The following NKAIN3 variants were observed in gnomAD, a reference collection of about 807,000 sequenced individuals.
The protein encoded by NKAIN3 is sodium/potassium transporting ATPase interacting 3.
A neutral mutation model predicts 30.2 loss-of-function variants in NKAIN3; 25 were observed. The observed-to-expected ratio is 0.83, with a 90% CI of 0.60 to 1.16. The LOEUF (loss-of-function observed/expected upper bound fraction) is 1.16, where lower values mean the gene tolerates loss of function less well. NKAIN3 is among the 50% of genes most tolerant of loss of function. The pLI is 0.00. For missense variants in NKAIN3, 225 were observed against 254.1 expected (o/e 0.89, Z 0.78); for synonymous variants, 91 against 89.6 (o/e 1.02, Z -0.09).
chr8:62,641,010 TA>T (rs983097087), intron 3 of NKAIN3, among the ~76,000 whole-genome samples: 29 of 148,232 alleles, frequency 2.0e-4, no homozygotes, highest in African/African-American at 7.4e-4. Context: ...CTCATTTATT[TA>T]TTTTTTTTTT....
intron 3 of NKAIN3, among the ~76,000 whole-genome samples, chr8:62,719,887 G>A (rs1339801390): frequency 2.6e-5 from 4 of 150,964 alleles, no homozygotes; most frequent in Non-Finnish European, 5.9e-5. Flanking sequence ...CTCCCGAGTA[G>A]CTGGGACTAC....
chr8:62,888,030 G>T (rs568140511), intron 4 of NKAIN3, among the ~76,000 whole-genome samples: 1 of 152,134 alleles, frequency 6.6e-6, no homozygotes, highest in Non-Finnish European at 1.5e-5. Flanking sequence ...TAAGGTGTAG[G>T]GGGAAGTGAT....
intron 5 of NKAIN3, chr8:62,990,434 A>G (rs1037946325): frequency 2.0e-6 from 2 of 1,005,408 alleles, no homozygotes; most frequent in African/African-American, 3.4e-5. Context: ...TTGAGAATTT[A>G]CATTGATTCC....
intron 3 of NKAIN3, among the ~76,000 whole-genome samples, chr8:62,723,339 G>A (rs1296131105): frequency 6.6e-6 from 1 of 151,994 alleles, no homozygotes; most frequent in African/African-American, 2.4e-5. Flanking sequence ...GTGTAAATTA[G>A]GTAAAATGTG....
chr8:62,593,105 A>G (rs1475341908), intron 3 of NKAIN3, among the ~76,000 whole-genome samples: 4 of 152,024 alleles, frequency 2.6e-5, no homozygotes, highest in Non-Finnish European at 4.4e-5. Flanking sequence ...TGTCTGTCAT[A>G]TAGAGGATAT....
At chr8:62,354,260 ATC>A (rs1225502835) in intron 1 of NKAIN3, among the ~76,000 whole-genome samples, 1 of 151,804 alleles carries the variant, frequency 6.6e-6, no homozygotes, top group Non-Finnish European at 1.5e-5. Context: ...GGCACTAAAG[ATC>A]TTTTAGCCTA....
At chr8:62,429,981 T>G (rs1040406713) in intron 1 of NKAIN3, among the ~76,000 whole-genome samples, 2 of 151,836 alleles carry the variant, frequency 1.3e-5, no homozygotes, top group Non-Finnish European at 2.9e-5. Flanking sequence ...AGTATACCCA[T>G]TGAACATTAA....
chr8:62,642,248 C>T (rs1812332314), intron 3 of NKAIN3, among the ~76,000 whole-genome samples: 1 of 152,026 alleles, frequency 6.6e-6, no homozygotes, highest in South Asian at 2.1e-4. Flanking sequence ...TACATGTCAC[C>T]ATGTAGCATG....
At chr8:62,646,803 T>C (rs890242656) in intron 3 of NKAIN3, among the ~76,000 whole-genome samples, 3 of 151,964 alleles carry the variant, frequency 2.0e-5, no homozygotes, top group African/African-American at 2.4e-5. Flanking sequence ...AAATAAAAAA[T>C]GACCAAAAAT....
intron 4 of NKAIN3, among the ~76,000 whole-genome samples, chr8:62,850,216 C>T (rs1336198957): frequency 1.3e-5 from 2 of 152,100 alleles, no homozygotes; most frequent in Non-Finnish European, 2.9e-5. Context: ...TGATGATGAG[C>T]ATTTTTTCAT....
intron 1 of NKAIN3, among the ~76,000 whole-genome samples, chr8:62,539,775 A>G (rs1563447720): frequency 6.6e-6 from 1 of 152,066 alleles, no homozygotes; most frequent in Non-Finnish European, 1.5e-5. Context: ...GAGACAAGGT[A>G]TCACTGTGTT....
chr8:62,272,130 G>A lies in NKAIN3; in HGVS notation c.54+23003G>A, dbSNP rs540516089. Among the ~76,000 whole-genome samples the A allele has an allele frequency of 2.0e-5, 3 of 152,254 alleles. No homozygotes were observed. The South Asian group carries it at 6.2e-4, about 32-fold the overall frequency. On this transcript the variant is annotated intron_variant, in intron 1 of 6. Coordinates refer to ENST00000623646, the MANE Select transcript of NKAIN3 (RefSeq NM_001304533.3). ...CAAATGAATAAATGAGGGAATAAGT[G>A]GATAGAATTTTGGAATGAAAATGTT...
chr8:62,368,088 A>G (rs4442139), intron 1 of NKAIN3, among the ~76,000 whole-genome samples: 147,567 of 152,232 alleles, frequency 0.97, 71,581 homozygotes, highest in East Asian at 1. Flanking sequence ...ATAAATGGAA[A>G]GATATCTTAT....
chr8:62,815,734 C>T (rs1163887469), intron 4 of NKAIN3, among the ~76,000 whole-genome samples: 1 of 152,094 alleles, frequency 6.6e-6, no homozygotes, highest in South Asian at 2.1e-4. Flanking sequence ...ATAATAAGAG[C>T]TATCTATGAC....
intron 4 of NKAIN3, among the ~76,000 whole-genome samples, chr8:62,781,919 G>A (rs1344639889): frequency 6.6e-6 from 1 of 151,892 alleles, no homozygotes; most frequent in Non-Finnish European, 1.5e-5. Flanking sequence ...AGAAGCACAG[G>A]CAATGAAATC....
intron 1 of NKAIN3, among the ~76,000 whole-genome samples, chr8:62,294,963 T>A (rs912955601): frequency 6.6e-6 from 1 of 152,146 alleles, no homozygotes; most frequent in African/African-American, 2.4e-5. Context: ...TTTGATATTC[T>A]GGGGCATGTT....
intron 3 of NKAIN3, among the ~76,000 whole-genome samples, chr8:62,658,380 A>G (rs1444931244): frequency 2.0e-5 from 3 of 152,188 alleles, no homozygotes; most frequent in African/African-American, 7.2e-5. Context: ...AACCGGGACA[A>G]TCATTTTGTT....
rs994927220 is a variant in NKAIN3 at position 62,971,473 on chromosome 8, C to A, written c.*6066C>A. Among the ~76,000 whole-genome samples, 1 of 149,290 alleles carries A rather than the reference C, an allele frequency of 6.7e-6. No homozygotes were observed. Among genetic ancestry groups the A allele is most frequent in the Non-Finnish European group, 1.5e-5 (1 of 67,280 alleles). The stretch of plus-strand genomic sequence containing the variant: ...GCAACATGGCAAAACCCCATACCTA[C>A]AAAAAATACAAAAACCAGCTGTGGC... On this transcript the variant is annotated 3_prime_UTR_variant, in exon 7 of 7. Transcript: ENST00000623646.
At chr8:62,506,997 C>G (rs181074205) in intron 1 of NKAIN3, among the ~76,000 whole-genome samples, 4 of 152,162 alleles carry the variant, frequency 2.6e-5, no homozygotes, top group East Asian at 3.9e-4. Flanking sequence ...ATCTACCAAC[C>G]CTGGGAAGCT....
Sources: allele counts gnomAD v4.1 joint callset (sites outside exome capture counted in the v4.1 genomes callset), GRCh38; gene constraint gnomAD v4.1.1; transcripts MANE v1.5; gene names NCBI Gene and HGNC (gene_info 2026-07-23, HGNC 2026-07-21).